Variants in ITIH4 observed in about 807,000 individuals in gnomAD.
ITIH4 encodes inter-alpha-trypsin inhibitor heavy chain 4, also known as inter-alpha-trypsin inhibitor heavy chain H4.
In ITIH4, 79 loss-of-function variants were observed where a neutral mutation model predicts 111.8. That is an observed-to-expected ratio of 0.71 (90% confidence interval 0.59 to 0.85). The LOEUF is 0.85. Ranked by LOEUF, ITIH4 falls within the 40% of genes least tolerant of loss-of-function variation. The probability of loss-of-function intolerance (pLI) is 0.00; values close to 1 mark genes in which losing one functional copy is unlikely to be tolerated. For missense variants in ITIH4, 1,065 were observed against 1,195.8 expected (o/e 0.89, Z 1.61); for synonymous variants, 472 against 468.3 (o/e 1.01, Z -0.10).
Position 52,821,069 on chromosome 3 carries a change from TG to T in ITIH4, c.1600del (p.Gln534ArgfsTer18), listed in dbSNP as rs749678206. The T allele has an allele frequency of 1.2e-6, 2 of 1,614,030 alleles. No homozygotes were observed. The highest frequency in any genetic ancestry group is 1.7e-5 in the Admixed American group (1 of 60,024). ...SSVAEQEAEF[Q>X]SPKYIFHNFM... ...GTTGTGGAAGATATACTTGGGGCTC[TG>T]GAACTCCGCCTCCTGCTCTGCCACA... On this transcript the variant is annotated frameshift_variant, in exon 12 of 24. Transcript: ENST00000266041. LOFTEE classifies it high-confidence loss of function.
Position 52,830,589 on chromosome 3 carries a change from T to C in ITIH4, c.54A>G (p.Ser18=). The change falls in exon 1 of 24, where the codon TCA becomes TCG. Residue 18 remains serine, a synonymous_variant. Transcript: ENST00000266041. ...RTCSKVLVLL[S]LLAIHQTTTA... ...TAGTAGTCTGGTGGATGGCCAGCAG[T>C]GAAAGCAGGACGAGAACTTTGCTGC... 6.2e-7 allele frequency: 1 copy of C among 1,614,168 alleles called. No individual in the cohort carries two copies. Among genetic ancestry groups the C allele is most frequent in the Non-Finnish European group, 8.5e-7 (1 of 1,180,020 alleles).
intron 11 of ITIH4, 35 bp downstream of exon 11, chr3:52,823,521 C>T: frequency 6.5e-7 from 1 of 1,535,244 alleles, no homozygotes; most frequent in African/African-American, 1.4e-5. Flanking sequence ...GTGGAGGCTG[C>T]CATTCCCCTC....
intron 21 of ITIH4, among the ~76,000 whole-genome samples, chr3:52,815,299 A>AGT (rs1474082805): frequency 6.8e-6 from 1 of 146,490 alleles, no homozygotes; most frequent in African/African-American, 2.6e-5. Context: ...GCTGAAGTGC[A>AGT]GTGGTGCAAT....
chr3:52,819,316 C>T, intron 17 of ITIH4, 77 bp downstream of exon 17: 1 of 1,570,718 alleles, frequency 6.4e-7, no homozygotes, highest in South Asian at 1.1e-5. Context: ...CGTGCTTTAC[C>T]CCACCCCCCT....
At chr3:52,814,176 G>T (rs1169790573) in intron 22 of ITIH4, 33 bp downstream of exon 22, 2 of 1,608,046 alleles carry the variant, frequency 1.2e-6, no homozygotes, top group African/African-American at 1.3e-5. Context: ...TGGTTTCTGA[G>T]GAAGGCCTGG....
chr3:52,819,647 C>G (rs970595775), intron 16 of ITIH4, 107 bp downstream of exon 16: 5 of 1,568,710 alleles, frequency 3.2e-6, no homozygotes, highest in Non-Finnish European at 4.4e-6. Context: ...ACCCGGCCAA[C>G]TTGGGGAGCC....
intron 11 of ITIH4, 86 bp downstream of exon 11, chr3:52,823,470 G>T: frequency 8.9e-7 from 1 of 1,121,066 alleles, no homozygotes; most frequent in Non-Finnish European, 1.3e-6. Context: ...GCTGGAGCTG[G>T]GCAGGTCTGG....
intron 21 of ITIH4, among the ~76,000 whole-genome samples, chr3:52,815,246 CTTTT>C (rs59772931): frequency 2.9e-5 from 4 of 139,110 alleles, no homozygotes; most frequent in African/African-American, 8.3e-5. Flanking sequence ...TTTCTTTTTT[CTTTT>C]TTTTTTTTTT....
At chr3:52,829,910 C>G (rs971938015) in intron 1 of ITIH4, 2 of 192,112 alleles carry the variant, frequency 1.0e-5, no homozygotes, top group African/African-American at 4.7e-5. Flanking sequence ...ACTCCCCTAG[C>G]AGGTGCCATT....
chr3:52,813,486 G>A lies in ITIH4; in HGVS notation c.2728C>T (p.Arg910Cys), dbSNP rs200028476. ...QGNDHSATRE[R>C]RLDYQEGPPG... ...GGCCCCTCCTGGTAATCCAGCCTGC[G>A]CTCTCTGAAATGGAAAGACAGACAG... Residue 910 changes from arginine to cysteine, a missense_variant, in exon 24 of 24, where the codon CGC becomes TGC. By Grantham distance (180) the Arg-to-Cys change is radical. Transcript: ENST00000266041. 5.6e-5 allele frequency: 90 copies of A among 1,613,778 alleles called. No homozygotes were observed. In the East Asian group the frequency reaches 1.5e-3, roughly 28 times the overall value.
Position 52,825,101 on chromosome 3 carries a change from C to T in ITIH4, c.760-143G>A, listed in dbSNP as rs192287445. 0.013 allele frequency: 7,016 copies of T among 534,610 alleles called. 752 individuals are homozygous for T. The South Asian group carries it at 0.2, about 15-fold the overall frequency. The allele number at this position is 534,610 out of a possible 1,614,324, so 33.1% of individuals were successfully genotyped here. A position where few individuals can be genotyped will look rare whatever the true frequency, so the allele number is the denominator to read the frequency against. On this transcript the variant is annotated intron_variant, in intron 6 of 23. Coordinates refer to ENST00000266041, the MANE Select transcript of ITIH4 (RefSeq NM_002218.5). ...CACTGCTAACCTCCCCAAAACCTTG[C>T]CCTTTTTCAGGGCTCAGACCAGCCC...
Position 52,830,434 on chromosome 3 carries a change from GCA to G in ITIH4, c.90+117_90+118del, listed in dbSNP as rs774976715. On this transcript the variant is annotated intron_variant, in intron 1 of 23. Transcript: ENST00000266041. ...GGCGGGAGGTCTGCACCATTTTTTT[GCA>G]CACACAGGGATGCACACGCACTTGT... 3.1e-6 allele frequency: 3 copies of G among 967,142 alleles called. No homozygotes were observed. The South Asian group carries it at 3.9e-5, about 12-fold the overall frequency. 59.9% of individuals were successfully genotyped at this position (967,142 alleles called of 1,614,324 possible). A position where few individuals can be genotyped will look rare whatever the true frequency, so the allele number is the denominator to read the frequency against.
At chr3:52,823,499 C>A in intron 11 of ITIH4, 57 bp downstream of exon 11, 1 of 1,457,828 alleles carries the variant, frequency 6.9e-7, no homozygotes, top group Non-Finnish European at 9.3e-7. Context: ...TCCAGCCCCT[C>A]TGGCTGCAGA....
intron 17 of ITIH4, chr3:52,819,086 C>T: frequency 2.6e-6 from 1 of 383,534 alleles, no homozygotes; most frequent in Non-Finnish European, 4.9e-6. Context: ...TGTGGTCTGA[C>T]AACCTAGGGG....
Position 52,824,746 on chromosome 3 carries a change from G to T in ITIH4, c.876+96C>A, listed in dbSNP as rs183660326. 22 of 1,275,812 alleles carry T rather than the reference G, an allele frequency of 1.7e-5. No homozygotes were observed. Among genetic ancestry groups the T allele is most frequent in the Non-Finnish European group, 1.3e-5 (12 of 905,134 alleles). The allele number at this position is 1,275,812 out of a possible 1,614,324, so 79.0% of individuals were successfully genotyped here. On this transcript the variant is annotated intron_variant, in intron 7 of 23. Transcript: ENST00000266041. This position sits in a 1 kb window ranked among gnomAD's most constrained non-coding sequence, Gnocchi z 4.3. ...TGAGAGCCACCCGCCCCATGGTGCC[G>T]AAAGGTGAAGCAAGGGGGTCTGCCT...
intron 2 of ITIH4, among the ~76,000 whole-genome samples, chr3:52,828,654 C>T (rs947070985): frequency 2.0e-5 from 3 of 152,172 alleles, no homozygotes; most frequent in East Asian, 1.9e-4. Context: ...GCATCTCTCA[C>T]GCAGCCTGAG....
chr3:52,821,169 G>C (rs759452957), intron 11 of ITIH4, 39 bp from the exon 12 acceptor site: 1 of 1,597,040 alleles, frequency 6.3e-7, no homozygotes, highest in Admixed American at 1.7e-5. Flanking sequence ...AGCAGTGAGG[G>C]CCGGACATCT....
rs1281883786 is a variant in ITIH4 at position 52,820,645 on chromosome 3, T to G, written c.1820A>C (p.Lys607Thr). 1.2e-6 allele frequency: 2 copies of G among 1,611,176 alleles called. No homozygotes were observed. Among genetic ancestry groups the G allele is most frequent in the African/African-American group, 2.7e-5 (2 of 74,828 alleles). The change falls in exon 13 of 24, where the codon AAG (lysine) becomes ACG (threonine). Residue 607 changes from lysine to threonine, a missense_variant. Transcript: ENST00000266041. Reference sequence around the variant, plus strand: ...CCCACACCCACCGCCTTCCATGGGCTTCTCAGCAACTTGAGACTGCTCTTG... The same window carrying G: ...CCCACACCCACCGCCTTCCATGGGCGTCTCAGCAACTTGAGACTGCTCTTG... ...DDQEQSQVAE[K>T]PMEGESRNRN...
chr3:52,827,085 C>T lies in ITIH4; in HGVS notation c.356+8G>A, dbSNP rs1428094119. The T allele has an allele frequency of 1.2e-6, 2 of 1,613,644 alleles. No individual in the cohort carries two copies. The highest frequency in any genetic ancestry group is 2.7e-5 in the African/African-American group (2 of 74,914). On this transcript the variant is annotated splice_region_variant and intron_variant, in intron 3 of 23. Transcript: ENST00000266041. ...CCTCCCCACTGAAGCTGCCCCCCAC[C>T]AGCTCACTTGACGAGGCCAGCGCTC...
Sources: allele counts gnomAD v4.1 joint callset (sites outside exome capture counted in the v4.1 genomes callset), GRCh38; gene constraint gnomAD v4.1.1; non-coding constraint Gnocchi (gnomAD v3.1); transcripts MANE v1.5; gene names NCBI Gene and HGNC (gene_info 2026-07-23, HGNC 2026-07-21).